Variants in RETREG3 observed in about 807,000 individuals in gnomAD.
The protein encoded by RETREG3 is reticulophagy regulator 3.
Under a neutral mutation model 50.2 loss-of-function variants are expected in RETREG3, and 23 were observed. The ratio of observed to expected loss-of-function variants is 0.46; its 90% CI spans 0.33 to 0.65. The LOEUF (loss-of-function observed/expected upper bound fraction) is 0.65. Ranked by LOEUF, RETREG3 falls within the 30% of genes least tolerant of loss-of-function variation. The pLI, the probability that RETREG3 is intolerant of heterozygous loss-of-function variation, is 0.02. For synonymous variants in RETREG3, 240 were observed against 234.4 expected, an observed-to-expected ratio of 1.02 and a Z score of -0.22; for missense variants, 546 against 598.0, an observed-to-expected ratio of 0.91 and a Z score of 0.91.
intron 1 of RETREG3, among the ~76,000 whole-genome samples, chr17:42,601,979 C>T (rs558780256): frequency 2.6e-5 from 4 of 152,050 alleles, no homozygotes; most frequent in African/African-American, 9.6e-5. Context: ...AACTATACAT[C>T]ACTGAGCATG....
chr17:42,582,337 G>A (rs1461022870), intron 8 of RETREG3, 67 bp from the exon 9 acceptor site: 1 of 1,472,384 alleles, frequency 6.8e-7, no homozygotes, highest in Non-Finnish European at 9.1e-7. Context: ...AGCCCCACAT[G>A]ACCAGATTTT....
intron 2 of RETREG3, among the ~76,000 whole-genome samples, chr17:42,591,624 G>A (rs756859724): frequency 6.3e-4 from 96 of 152,274 alleles, no homozygotes; most frequent in Non-Finnish European, 1.2e-3. Flanking sequence ...ACTAATAGGC[G>A]TTAGCCACTG....
intron 4 of RETREG3, 92 bp downstream of exon 4, chr17:42,586,673 T>C: frequency 1.3e-6 from 2 of 1,496,290 alleles, no homozygotes; most frequent in Non-Finnish European, 1.8e-6. Context: ...TTTACTTTCT[T>C]GAATGAAGAC....
In RETREG3 at chr17:42,597,435, C is replaced by T. The variant is rs1479586366; in HGVS notation, c.240-5273G>A. ...ATCTCCTGACCTTGTGATCCACCCA[C>T]CTCGGCATCCCAAAGTGCTGGGATT... is the stretch of plus-strand genomic sequence containing the variant. On this transcript the variant is annotated intron_variant, in intron 1 of 8. Coordinates refer to ENST00000309428, the MANE Select transcript of RETREG3 (RefSeq NM_178126.4). Among the ~76,000 whole-genome samples the T allele has an allele frequency of 2.7e-5, 4 of 149,438 alleles. No individual in the cohort carries two copies. In the East Asian group the frequency reaches 7.8e-4, roughly 29 times the overall value.
chr17:42,584,282 G>A (rs1164470314), intron 6 of RETREG3, among the ~76,000 whole-genome samples: 1 of 152,128 alleles, frequency 6.6e-6, no homozygotes, highest in Non-Finnish European at 1.5e-5. Context: ...TTATTCAACT[G>A]GCTGCCCCAA....
At chr17:42,586,958 G>C (rs1191480226) in intron 3 of RETREG3, 67 bp from the exon 4 acceptor site, 16 of 1,584,780 alleles carry the variant, frequency 1.0e-5, no homozygotes, top group African/African-American at 1.4e-5. Flanking sequence ...TGCTGTGCAG[G>C]CAGCCAGTGC....
intron 1 of RETREG3, among the ~76,000 whole-genome samples, chr17:42,606,980 A>AGTTT (rs2143436617): frequency 6.6e-6 from 1 of 151,644 alleles, no homozygotes; most frequent in Non-Finnish European, 1.5e-5. Context: ...CTGGGCAACA[A>AGTTT]GAGCCAAACT....
At chr17:42,607,067 T>C (rs926400555) in intron 1 of RETREG3, among the ~76,000 whole-genome samples, 2 of 152,128 alleles carry the variant, frequency 1.3e-5, no homozygotes, top group Non-Finnish European at 2.9e-5. Flanking sequence ...ACAAATTGGT[T>C]TAATGAGGCC....
chr17:42,605,908 T>C (rs1284332131), intron 1 of RETREG3, among the ~76,000 whole-genome samples: 1 of 150,202 alleles, frequency 6.7e-6, no homozygotes, highest in African/African-American at 2.5e-5. Flanking sequence ...GGAGAATCGC[T>C]TGAACTTAGG....
In RETREG3 at chr17:42,582,666, C is replaced by T; in HGVS notation, c.943+8G>A. On this transcript the variant is annotated splice_region_variant and intron_variant, in intron 8 of 8. Transcript: ENST00000309428. ...CCATTATCAACTGAGGTCAAAGGCTCCCCTCACCTTCAGAGCCTTCCGTTA... is the reference window on the plus strand; with the variant it reads ...CCATTATCAACTGAGGTCAAAGGCTTCCCTCACCTTCAGAGCCTTCCGTTA... 1.9e-6 allele frequency: 3 copies of T among 1,614,078 alleles called. No individual in the cohort carries two copies. The South Asian group carries it at 3.3e-5, about 18-fold the overall frequency.
At chr17:42,602,155 A>G (rs947259877) in intron 1 of RETREG3, among the ~76,000 whole-genome samples, 2 of 151,998 alleles carry the variant, frequency 1.3e-5, no homozygotes, top group African/African-American at 4.8e-5. Context: ...ATCTCTACTA[A>G]AAATACAAAA....
chr17:42,595,788 C>T (rs538116513), intron 1 of RETREG3, among the ~76,000 whole-genome samples: 11 of 150,266 alleles, frequency 7.3e-5, no homozygotes, highest in Middle Eastern at 6.9e-3. Flanking sequence ...TTCTCCCTGC[C>T]TCAGCGCGCT....
chr17:42,608,743 A>C (rs2093173156), intron 1 of RETREG3: 1 of 249,962 alleles, frequency 4.0e-6, no homozygotes. Context: ...TGAGCAGACA[A>C]GAGAAAGGAA....
At position 42,581,455 on chromosome 17, in the gene RETREG3, G is replaced by T; in HGVS notation, c.*358C>A. On this transcript the variant is annotated 3_prime_UTR_variant, in exon 9 of 9. Coordinates refer to ENST00000309428, the MANE Select transcript of RETREG3 (RefSeq NM_178126.4). ...GCGATGAAAGGAGGAAGGCAGGCAT[G>T]GGCTCTTTCAGTGAGGGCCCCTGAG... 5.1e-6 allele frequency: 1 copy of T among 195,974 alleles called. No homozygotes were observed. The highest frequency in any genetic ancestry group is 1.5e-4 in the South Asian group (1 of 6,504). The allele number at this position is 195,974 out of a possible 1,614,324, so 12.1% of individuals were successfully genotyped here. A position where few individuals can be genotyped will look rare whatever the true frequency, so the allele number is the denominator to read the frequency against.
intron 1 of RETREG3, among the ~76,000 whole-genome samples, chr17:42,606,890 G>C (rs1441828003): frequency 6.6e-6 from 1 of 152,116 alleles, no homozygotes; most frequent in Non-Finnish European, 1.5e-5. Context: ...CCAGCTGCTC[G>C]GGAGGCTGAG....
chr17:42,588,857 A>C (rs1351779147), intron 2 of RETREG3, among the ~76,000 whole-genome samples: 1 of 152,100 alleles, frequency 6.6e-6, no homozygotes, highest in Admixed American at 6.5e-5. Flanking sequence ...GGTTTTTGCT[A>C]TGTTGGCCAG....
At chr17:42,589,432 T>C (rs1300587601) in intron 2 of RETREG3, among the ~76,000 whole-genome samples, 1 of 152,126 alleles carries the variant, frequency 6.6e-6, no homozygotes, top group Non-Finnish European at 1.5e-5. Flanking sequence ...ATTATACATA[T>C]ATAACAATTA....
rs771245523 is a variant in RETREG3 at position 42,587,824 on chromosome 17, T to C, written c.377+10A>G. 3 of 1,614,152 alleles carry C rather than the reference T, an allele frequency of 1.9e-6. No individual in the cohort carries two copies. Among genetic ancestry groups the C allele is most frequent in the South Asian group, 1.1e-5 (1 of 91,080 alleles). On this transcript the variant is annotated intron_variant, in intron 3 of 8. Transcript: ENST00000309428. ...GAGCAACAAAAAGGGATTTAATTAGTGTTCCATACCTCTCATTGTCTAATG... is the reference window on the plus strand; with the variant it reads ...GAGCAACAAAAAGGGATTTAATTAGCGTTCCATACCTCTCATTGTCTAATG...
chr17:42,586,620 G>C, intron 4 of RETREG3, 145 bp downstream of exon 4: 1 of 1,166,840 alleles, frequency 8.6e-7, no homozygotes, highest in Non-Finnish European at 1.2e-6. Context: ...TGGTCAGAAG[G>C]CCTTTCCTAT....
Sources: gnomAD v4.1 joint callset for allele counts (sites outside exome capture counted in the v4.1 genomes callset) on GRCh38, gnomAD v4.1.1 for gene constraint, MANE v1.5 for transcripts, NCBI Gene and HGNC (gene_info 2026-07-23, HGNC 2026-07-21) for gene names.